The following STAU1 variants were observed in gnomAD, a reference collection of about 807,000 sequenced individuals.
STAU1 encodes the protein staufen double-stranded RNA binding protein 1.
Under a neutral mutation model 62.9 loss-of-function variants are expected in STAU1, and 13 were observed. The observed-to-expected ratio is 0.21, with a 90% CI of 0.13 to 0.33. STAU1 has a LOEUF of 0.33. Ranked by LOEUF, STAU1 falls within the 10% of genes least tolerant of loss-of-function variation. STAU1 has a pLI of 1.00. For synonymous variants in STAU1, 269 were observed against 265.1 expected, an observed-to-expected ratio of 1.01 and a Z score of -0.14; for missense variants, 571 against 712.1, an observed-to-expected ratio of 0.80 and a Z score of 2.25.
At chr20:49,157,107 C>T (rs907135865) in intron 3 of STAU1, among the ~76,000 whole-genome samples, 7 of 151,936 alleles carry the variant, frequency 4.6e-5, no homozygotes, top group African/African-American at 1.5e-4. Context: ...GAACTCCTGA[C>T]CTCAAGTGAT....
chr20:49,119,350 T>C (rs550432325), intron 9 of STAU1, among the ~76,000 whole-genome samples: 2 of 152,216 alleles, frequency 1.3e-5, no homozygotes, highest in Admixed American at 1.3e-4. Context: ...GCTGATATTT[T>C]AATTTTTTGT....
At chr20:49,155,820 T>C (rs2093348634) in intron 3 of STAU1, among the ~76,000 whole-genome samples, 1 of 152,212 alleles carries the variant, frequency 6.6e-6, no homozygotes, top group Admixed American at 6.5e-5. Flanking sequence ...CAATAGAGAA[T>C]AAACATGAAG....
Position 49,155,751 on chromosome 20 carries a change from G to C in STAU1, c.206-1680C>G, listed in dbSNP as rs528808223. Among the ~76,000 whole-genome samples, 44 of 152,242 alleles carry C rather than the reference G, an allele frequency of 2.9e-4. No homozygotes were observed. In the South Asian group the frequency reaches 5.6e-3, roughly 19 times the overall value. On this transcript the variant is annotated intron_variant, in intron 3 of 13. Coordinates refer to ENST00000371856, the MANE Select transcript of STAU1 (RefSeq NM_017453.4). ...TATTTTTTACAAAATTCATATAATT[G>C]CATTTTAAGTACAGTCTGAATCATT...
At chr20:49,175,256 A>C (rs1653729470) in intron 1 of STAU1, among the ~76,000 whole-genome samples, 1 of 150,396 alleles carries the variant, frequency 6.6e-6, no homozygotes, top group Admixed American at 6.6e-5. Flanking sequence ...GCTTGAATGC[A>C]GGAGGCAGAG....
chr20:49,217,536 G>A, the STAU1 span, among the ~76,000 whole-genome samples: 1 of 151,866 alleles, frequency 6.6e-6, no homozygotes, highest in East Asian at 1.9e-4. Flanking sequence ...TTCTTTAGCT[G>A]TTGTATATCC....
At chr20:49,164,730 C>A (rs940119418) in intron 3 of STAU1, among the ~76,000 whole-genome samples, 3 of 152,048 alleles carry the variant, frequency 2.0e-5, no homozygotes, top group Non-Finnish European at 4.4e-5. Context: ...TCTCACACTA[C>A]CGTACTCCAG....
In STAU1 at chr20:49,175,331, GA is replaced by G. The variant is rs1233347366; in HGVS notation, c.-159-1063del. 4.2e-3 allele frequency among the ~76,000 whole-genome samples: 592 copies of G among 142,148 alleles called. 1 individual carries two copies. The highest frequency in any genetic ancestry group is 5.4e-3 in the Non-Finnish European group (350 of 64,740). The allele number at this position is 142,148 out of a possible 152,430, so 93.3% of individuals were successfully genotyped here. A position where few individuals can be genotyped will look rare whatever the true frequency, so the allele number is the denominator to read the frequency against. ...GGGCCACAGAGTGAGACTCCTCTGG[GA>G]AAAAAAAAAAAGACACAATTGCCTG... On this transcript the variant is annotated intron_variant, in intron 1 of 13. Transcript: ENST00000371856.
intron 5 of STAU1, among the ~76,000 whole-genome samples, chr20:49,139,069 T>G (rs1025935966): frequency 6.6e-6 from 1 of 152,114 alleles, no homozygotes; most frequent in Non-Finnish European, 1.5e-5. Context: ...GCAGGACCCT[T>G]ACCCCACACC....
the STAU1 span, among the ~76,000 whole-genome samples, chr20:49,197,800 G>T: frequency 6.6e-6 from 1 of 151,966 alleles, no homozygotes; most frequent in Non-Finnish European, 1.5e-5. Context: ...CAAACACCTA[G>T]GTTGAAGCAA....
upstream of STAU1, among the ~76,000 whole-genome samples, chr20:49,190,144 G>A (rs1298145728): frequency 5.3e-5 from 8 of 152,166 alleles, no homozygotes; most frequent in African/African-American, 1.9e-4. Context: ...AGGAGCAGAT[G>A]CAGAGAGGTC....
chr20:49,116,499 T>C (rs2092327410), intron 12 of STAU1, among the ~76,000 whole-genome samples: 2 of 151,834 alleles, frequency 1.3e-5, no homozygotes, highest in Admixed American at 1.3e-4. Context: ...CACACCTGGC[T>C]AATTTTTTTT....
At chr20:49,196,525 G>T in the STAU1 span, among the ~76,000 whole-genome samples, 1 of 151,574 alleles carries the variant, frequency 6.6e-6, no homozygotes, top group Non-Finnish European at 1.5e-5. Context: ...GGCAGCTCAC[G>T]CCTGTAATCC....
chr20:49,153,907 A>C (rs1372010962), intron 4 of STAU1, 26 bp downstream of exon 4: 6 of 74,466 alleles, frequency 8.1e-5, no homozygotes, highest in Non-Finnish European at 1.4e-4. Context: ...TGTATTTTAC[A>C]AAAAAAAAAA....
At chr20:49,165,822 G>A (rs2093517048) in intron 3 of STAU1, among the ~76,000 whole-genome samples, 175 bp downstream of exon 3, 1 of 58,076 alleles carries the variant, frequency 1.7e-5, no homozygotes, top group Non-Finnish European at 4.2e-5. Flanking sequence ...TGAGGCCCCT[G>A]TCAACCCCTT....
Position 49,180,385 on chromosome 20 carries a change from A to G in STAU1, c.-159-6116T>C, listed in dbSNP as rs545054019. Among the ~76,000 whole-genome samples the G allele has an allele frequency of 3.0e-3, 441 of 149,214 alleles. 1 individual carries two copies. The highest frequency in any genetic ancestry group is 4.3e-3 in the Non-Finnish European group (291 of 67,704). On this transcript the variant is annotated intron_variant, in intron 1 of 13. Coordinates refer to ENST00000371856, the MANE Select transcript of STAU1 (RefSeq NM_017453.4). ...GTTGCCCAGGCTGAAGTGCAGCGGCACGATGTCAGGTCACTGCAAACTCCA... is the reference window on the plus strand; with the variant it reads ...GTTGCCCAGGCTGAAGTGCAGCGGCGCGATGTCAGGTCACTGCAAACTCCA...
rs1258222630 is a variant in STAU1 at position 49,118,339 on chromosome 20, C to T, written c.1183G>A (p.Gly395Arg). 1.9e-6 allele frequency: 3 copies of T among 1,613,360 alleles called. No homozygotes were observed. Among genetic ancestry groups the T allele is most frequent in the East Asian group, 4.5e-5 (2 of 44,884 alleles). The change falls in exon 10 of 14, where the codon GGG becomes AGG. Residue 395 changes from glycine to arginine, a missense_variant. Physicochemically the swap from Gly to Arg is moderately radical, Grantham distance 125. Transcript: ENST00000371856. The stretch of plus-strand genomic sequence containing the variant: ...ATATTAAGATCACACTTACTAGTCC[C>T]ATTTTCATCCCCAGAGCCAGGTTCA... ...FFEPGSGDEN[G>R]TSNKEDEFRM...
In STAU1 at chr20:49,114,641, C is replaced by T. The variant is rs2092268706; in HGVS notation, c.*237G>A. ...AGCCCTTCTTCCCCACAGGCAGCTGCTATTGCGTAGGGACCGCCAGGTCAC... is the reference window on the plus strand; with the variant it reads ...AGCCCTTCTTCCCCACAGGCAGCTGTTATTGCGTAGGGACCGCCAGGTCAC... On this transcript the variant is annotated 3_prime_UTR_variant, in exon 14 of 14. Coordinates refer to ENST00000371856, the MANE Select transcript of STAU1 (RefSeq NM_017453.4). 8 of 471,822 alleles carry T rather than the reference C, an allele frequency of 1.7e-5. No individual in the cohort carries two copies. Among genetic ancestry groups the T allele is most frequent in the Non-Finnish European group, 2.3e-5 (6 of 260,070 alleles). 29.2% of individuals were successfully genotyped at this position (471,822 alleles called of 1,614,324 possible).
chr20:49,162,882 T>C (rs906987924), intron 3 of STAU1, among the ~76,000 whole-genome samples: 14 of 151,114 alleles, frequency 9.3e-5, no homozygotes, highest in Non-Finnish European at 1.8e-4. Flanking sequence ...TGTTATAAGG[T>C]AACTCTGGTA....
chr20:49,117,745 C>T lies in STAU1; in HGVS notation c.1509+32G>A. ...AAGCCAAAAGATGACTGTCCTGAGG[C>T]ACAGCCATCACAGCTCAGGCCAGAC... On this transcript the variant is annotated intron_variant, in intron 11 of 13. Coordinates refer to ENST00000371856, the MANE Select transcript of STAU1 (RefSeq NM_017453.4). The surrounding 1 kb of genome is among the most constrained non-coding windows in gnomAD (Gnocchi z 4.6). 6.4e-7 allele frequency: 1 copy of T among 1,564,824 alleles called. No individual in the cohort carries two copies. The highest frequency in any genetic ancestry group is 8.7e-7 in the Non-Finnish European group (1 of 1,155,322).
Sources: gnomAD v4.1 joint callset for allele counts (sites outside exome capture counted in the v4.1 genomes callset) on GRCh38, gnomAD v4.1.1 for gene constraint, Gnocchi (gnomAD v3.1) non-coding constraint, MANE v1.5 for transcripts, NCBI Gene and HGNC (gene_info 2026-07-23, HGNC 2026-07-21) for gene names.